The following CHST11 variants were observed in gnomAD, a reference collection of about 807,000 sequenced individuals.
The protein encoded by CHST11 is carbohydrate sulfotransferase 11, also known as C4S-1.
CHST11 carries 9 observed loss-of-function variants against 30.4 expected under a neutral mutation model. The ratio of observed to expected loss-of-function variants is 0.30; its 90% CI spans 0.18 to 0.52. The LOEUF is 0.52. Among genes scored for constraint, CHST11 ranks in the 20% least tolerant of loss-of-function variants. CHST11 has a pLI of 0.97. For synonymous variants in CHST11, 152 were observed against 187.8 expected (o/e 0.81, Z 1.56); for missense variants, 348 against 460.6 (o/e 0.76, Z 2.24).
intron 1 of CHST11, among the ~76,000 whole-genome samples, chr12:104,506,858 A>G (rs60351248): frequency 0.29 from 43,785 of 152,082 alleles, 6,549 homozygotes; most frequent in Admixed American, 0.33. Context: ...GAGGGGACAT[A>G]TACAGCTGGC....
intron 2 of CHST11, among the ~76,000 whole-genome samples, chr12:104,634,501 C>T (rs758442569): frequency 1.4e-4 from 21 of 152,336 alleles, no homozygotes; most frequent in Non-Finnish European, 2.4e-4. Context: ...AGGATGCTCA[C>T]GGTTTGTCCT....
chr12:104,537,942 C>T (rs568698247), intron 1 of CHST11, among the ~76,000 whole-genome samples: 11 of 152,300 alleles, frequency 7.2e-5, no homozygotes, highest in African/African-American at 2.2e-4. Context: ...GCGATCCTCC[C>T]ACCTCAGCCT....
chr12:104,644,046 G>A (rs747492822), intron 2 of CHST11, among the ~76,000 whole-genome samples: 5 of 152,122 alleles, frequency 3.3e-5, no homozygotes, highest in South Asian at 2.1e-4. Flanking sequence ...TTTCTTGGAC[G>A]GTTTCTGCAA....
intron 1 of CHST11, among the ~76,000 whole-genome samples, chr12:104,577,743 C>T (rs1304192897): frequency 1.3e-5 from 2 of 152,172 alleles, no homozygotes; most frequent in African/African-American, 4.8e-5. Context: ...CGGGTAAGGG[C>T]AGCCCACAGT....
chr12:104,535,440 A>G (rs1164577113), intron 1 of CHST11, among the ~76,000 whole-genome samples: 1 of 152,152 alleles, frequency 6.6e-6, no homozygotes, highest in Non-Finnish European at 1.5e-5. Flanking sequence ...AATGTCTGGG[A>G]GTTCTAATAT....
chr12:104,594,226 A>C (rs2038886800), intron 1 of CHST11, among the ~76,000 whole-genome samples: 1 of 152,084 alleles, frequency 6.6e-6, no homozygotes, highest in South Asian at 2.1e-4. Flanking sequence ...ACCTCTGGCC[A>C]TTCTGTCCCC....
Position 104,716,884 on chromosome 12 carries a change from C to T in CHST11, c.205-40065C>T, listed in dbSNP as rs370293746. The stretch of plus-strand genomic sequence containing the variant: ...ATTTATATCTTATGGTTCTGGGGCT[C>T]AGAAATCTGATGTGGATCTCACTGG... On this transcript the variant is annotated intron_variant, in intron 2 of 2. Coordinates refer to ENST00000303694, the MANE Select transcript of CHST11 (RefSeq NM_018413.6). 1.1e-4 allele frequency among the ~76,000 whole-genome samples: 17 copies of T among 152,298 alleles called. No individual in the cohort carries two copies. In the South Asian group the frequency reaches 3.1e-3, roughly 28 times the overall value.
intron 1 of CHST11, among the ~76,000 whole-genome samples, chr12:104,471,355 C>T (rs1374217587): frequency 1.3e-5 from 2 of 152,100 alleles, no homozygotes; most frequent in East Asian, 3.9e-4. Flanking sequence ...GAAGAAAATC[C>T]CCCTTTTTGG....
At chr12:104,618,880 A>T (rs565919554) in intron 2 of CHST11, among the ~76,000 whole-genome samples, 6 of 152,348 alleles carry the variant, frequency 3.9e-5, no homozygotes, top group African/African-American at 1.4e-4. Context: ...CACCTCCACC[A>T]GCTCAACTGG....
chr12:104,719,230 A>G (rs988377262), intron 2 of CHST11, among the ~76,000 whole-genome samples: 2 of 152,260 alleles, frequency 1.3e-5, no homozygotes, highest in Non-Finnish European at 2.9e-5. Flanking sequence ...GCTTGAATAC[A>G]TGCTCAGTGG....
At chr12:104,750,535 G>A (rs1280468194) in intron 2 of CHST11, among the ~76,000 whole-genome samples, 1 of 139,778 alleles carries the variant, frequency 7.2e-6, no homozygotes, top group Non-Finnish European at 1.5e-5. Flanking sequence ...TCTGCCTCCC[G>A]GGTTCAAGTG....
At chr12:104,523,751 T>C (rs1281476384) in intron 1 of CHST11, among the ~76,000 whole-genome samples, 1 of 152,234 alleles carries the variant, frequency 6.6e-6, no homozygotes, top group African/African-American at 2.4e-5. Flanking sequence ...TTACTCAGCA[T>C]TTTTGCTGGT....
intron 2 of CHST11, among the ~76,000 whole-genome samples, chr12:104,693,916 A>G (rs1473460902): frequency 6.6e-6 from 1 of 152,218 alleles, no homozygotes; most frequent in Non-Finnish European, 1.5e-5. Flanking sequence ...TTTTCTTAAA[A>G]AGTCAGATAG....
At chr12:104,647,668 A>G (rs1205447940) in intron 2 of CHST11, among the ~76,000 whole-genome samples, 1 of 152,144 alleles carries the variant, frequency 6.6e-6, no homozygotes. Context: ...TATATATGTT[A>G]TCTATTGGTA....
chr12:104,546,217 C>G (rs1462049171), intron 1 of CHST11, among the ~76,000 whole-genome samples: 2 of 151,810 alleles, frequency 1.3e-5, no homozygotes, highest in South Asian at 2.1e-4. Context: ...TACCTATAAT[C>G]CCAGCACTTT....
intron 1 of CHST11, among the ~76,000 whole-genome samples, chr12:104,508,996 T>G (rs1048312537): frequency 6.6e-6 from 1 of 151,950 alleles, no homozygotes; most frequent in Admixed American, 6.6e-5. Context: ...AGAATGACTA[T>G]AATCCTTCAC....
At chr12:104,708,555 C>T (rs1422801474) in intron 2 of CHST11, among the ~76,000 whole-genome samples, 1 of 152,186 alleles carries the variant, frequency 6.6e-6, no homozygotes, top group Non-Finnish European at 1.5e-5. Context: ...GCTGGCCAAG[C>T]TTGCAAGGTG....
At chr12:104,567,351 A>G (rs2038578306) in intron 1 of CHST11, among the ~76,000 whole-genome samples, 1 of 152,212 alleles carries the variant, frequency 6.6e-6, no homozygotes, top group African/African-American at 2.4e-5. Flanking sequence ...AGAAAATGCA[A>G]TCCTTTCCTA....
chr12:104,621,779 A>G (rs144135970), intron 2 of CHST11, among the ~76,000 whole-genome samples: 1 of 152,220 alleles, frequency 6.6e-6, no homozygotes. Context: ...GAATGGAAGC[A>G]GTTGTTTGTA....
Sources: gnomAD v4.1 joint callset for allele counts (sites outside exome capture counted in the v4.1 genomes callset) on GRCh38, gnomAD v4.1.1 for gene constraint, MANE v1.5 for transcripts, NCBI Gene and HGNC (gene_info 2026-07-23, HGNC 2026-07-21) for gene names.